Variants in XYLT1 observed in about 807,000 individuals in gnomAD.
The protein encoded by XYLT1 is beta-D-xylosyltransferase 1.
Under a neutral mutation model 91.3 loss-of-function variants are expected in XYLT1, and 36 were observed. The observed-to-expected ratio is 0.39, with a 90% CI of 0.30 to 0.52. The LOEUF (loss-of-function observed/expected upper bound fraction) is 0.52. Ranked by LOEUF, XYLT1 falls within the 20% of genes least tolerant of loss-of-function variation. The probability of loss-of-function intolerance (pLI) is 0.68; values close to 1 mark genes in which losing one functional copy is unlikely to be tolerated. For synonymous variants in XYLT1, 588 were observed against 532.0 expected (o/e 1.11, Z -1.45); for missense variants, 1,242 against 1,284.5 (o/e 0.97, Z 0.51).
intron 2 of XYLT1, among the ~76,000 whole-genome samples, chr16:17,274,476 T>C (rs1324552853): frequency 2.0e-5 from 3 of 152,176 alleles, no homozygotes; most frequent in African/African-American, 7.2e-5. Context: ...GAAAAGGATA[T>C]AGGAAGGGGA....
At chr16:17,421,728 T>A (rs1404123835) in intron 1 of XYLT1, among the ~76,000 whole-genome samples, 1 of 152,032 alleles carries the variant, frequency 6.6e-6, no homozygotes, top group African/African-American at 2.4e-5. Flanking sequence ...GAGACAAACC[T>A]CCCAGCAGAG....
chr16:17,193,339 T>C (rs2141581992), intron 5 of XYLT1: 1 of 152,308 alleles, frequency 6.6e-6, no homozygotes, highest in South Asian at 2.1e-4. Context: ...GGCACTAATA[T>C]TGTGTTTATT....
chr16:17,398,461 G>A lies in XYLT1; in HGVS notation c.364-40411C>T, dbSNP rs192188656. 2.1e-3 allele frequency among the ~76,000 whole-genome samples: 316 copies of A among 152,324 alleles called. 1 individual carries two copies. Among genetic ancestry groups the A allele is most frequent in the Admixed American group, 3.0e-3 (46 of 15,308 alleles). ...ACTTACTCAGGGCACAGGTGGAGAC[G>A]TGGATTTAAGTGAGTATGAGTGATT... On this transcript the variant is annotated intron_variant, in intron 1 of 11. Coordinates refer to ENST00000261381, the MANE Select transcript of XYLT1 (RefSeq NM_022166.4).
chr16:17,126,214 A>G (rs1408674134), intron 10 of XYLT1, among the ~76,000 whole-genome samples: 3 of 152,190 alleles, frequency 2.0e-5, no homozygotes, highest in Admixed American at 2.0e-4. Context: ...CCATCCCCCA[A>G]AAGCACTAGC....
chr16:17,399,954 CAAAAT>C (rs1396289120), intron 1 of XYLT1, among the ~76,000 whole-genome samples: 6 of 152,296 alleles, frequency 3.9e-5, no homozygotes, highest in Admixed American at 2.6e-4. Flanking sequence ...GAAAGGAAAA[CAAAAT>C]AGAGTGGCTG....
rs575366853 is a variant in XYLT1 at position 17,322,144 on chromosome 16, G to A, written c.402+35868C>T. On this transcript the variant is annotated intron_variant, in intron 2 of 11. Transcript: ENST00000261381. ...CTCTGAGTTCTTTGACTGTGTTTTCGCTTCATGCATAAGACAGCGGGGACA... is the reference window on the plus strand; with the variant it reads ...CTCTGAGTTCTTTGACTGTGTTTTCACTTCATGCATAAGACAGCGGGGACA... Among the ~76,000 whole-genome samples the A allele has an allele frequency of 8.5e-5, 13 of 152,190 alleles. No homozygotes were observed. The East Asian group carries it at 2.3e-3, about 27-fold the overall frequency.
chr16:17,328,711 C>T (rs567263175), intron 2 of XYLT1, among the ~76,000 whole-genome samples: 7 of 152,072 alleles, frequency 4.6e-5, no homozygotes, highest in East Asian at 1.9e-4. Flanking sequence ...GATGCCCGTG[C>T]GCAACCATCA....
intron 2 of XYLT1, among the ~76,000 whole-genome samples, chr16:17,301,955 T>C (rs2034402245): frequency 6.6e-6 from 1 of 152,146 alleles, no homozygotes; most frequent in South Asian, 2.1e-4. Context: ...CTCATGCCTG[T>C]AATCTCAGCA....
intron 3 of XYLT1, among the ~76,000 whole-genome samples, chr16:17,203,567 T>A (rs2032583202): frequency 6.6e-6 from 1 of 152,002 alleles, no homozygotes; most frequent in Admixed American, 6.6e-5. Context: ...TATCTGTCCA[T>A]CCATCCACCC....
At chr16:17,169,481 G>A (rs1171912236) in intron 5 of XYLT1, among the ~76,000 whole-genome samples, 4 of 152,142 alleles carry the variant, frequency 2.6e-5, no homozygotes, top group Non-Finnish European at 5.9e-5. Flanking sequence ...ACATACATAT[G>A]CCTTTCTAAG....
intron 11 of XYLT1, among the ~76,000 whole-genome samples, chr16:17,109,746 C>T (rs554711763): frequency 1.3e-4 from 20 of 152,316 alleles, no homozygotes; most frequent in African/African-American, 4.6e-4. Flanking sequence ...GAAAATATAT[C>T]TAGCCCTTTA....
intron 1 of XYLT1, chr16:17,446,429 G>A (rs1362093205): frequency 6.6e-6 from 1 of 152,160 alleles, no homozygotes; most frequent in Non-Finnish European, 1.5e-5. Flanking sequence ...GCACACTGAG[G>A]CAGAGAGAGG....
rs577386351 is a variant in XYLT1, at chr16:17,291,291, T to C, written c.403-31793A>G. Among the ~76,000 whole-genome samples, 12 of 152,316 alleles carry C rather than the reference T, an allele frequency of 7.9e-5. No individual in the cohort carries two copies. The South Asian group carries it at 2.3e-3, about 29-fold the overall frequency. The stretch of plus-strand genomic sequence containing the variant: ...AACTGCTGGGTGTGGGTGTGAGCCA[T>C]TGTGCCTGGCCTAATTGTCTCATTT... On this transcript the variant is annotated intron_variant, in intron 2 of 11. Coordinates refer to ENST00000261381, the MANE Select transcript of XYLT1 (RefSeq NM_022166.4).
chr16:17,369,052 T>TA (rs61242096), intron 1 of XYLT1, among the ~76,000 whole-genome samples: 20 of 143,186 alleles, frequency 1.4e-4, no homozygotes, highest in Admixed American at 2.1e-4. Flanking sequence ...CAGAGAGGTT[T>TA]AAAAAAAAAA....
intron 2 of XYLT1, among the ~76,000 whole-genome samples, chr16:17,330,104 T>TAC (rs35148093): frequency 0.062 from 8,911 of 144,532 alleles, 448 homozygotes; most frequent in African/African-American, 0.13. Context: ...TGGAGGTAGA[T>TAC]ACACACACAC....
At chr16:17,256,447 TCAAGACCAGCCTGGC>T (rs2033632084) in intron 3 of XYLT1, among the ~76,000 whole-genome samples, 1 of 151,818 alleles carries the variant, frequency 6.6e-6, no homozygotes, top group Non-Finnish European at 1.5e-5. Context: ...GGTCAGGAGT[TCAAGACCAGCCTGGC>T]CAAGATGGTG....
rs78839924 is a variant in XYLT1, at chr16:17,299,691, T to C, written c.403-40193A>G. ...GAGAGGCTTTTTGTCCCCTGCAGAA[T>C]TGAATGGGGGCCACTCATGCTAGAT... On this transcript the variant is annotated intron_variant, in intron 2 of 11. Transcript: ENST00000261381. Among the ~76,000 whole-genome samples the C allele has an allele frequency of 3.6e-3, 550 of 152,234 alleles. 7 individuals carry two copies. The highest frequency in any genetic ancestry group is 0.013 in the African/African-American group (523 of 41,550).
chr16:17,461,834 T>A (rs552813527), intron 1 of XYLT1, among the ~76,000 whole-genome samples: 1 of 152,370 alleles, frequency 6.6e-6, no homozygotes, highest in Admixed American at 6.5e-5. Context: ...TTAATTTTCA[T>A]CCAACTTATT....
At chr16:17,163,607 G>A (rs1048263045) in intron 5 of XYLT1, among the ~76,000 whole-genome samples, 6 of 152,200 alleles carry the variant, frequency 3.9e-5, no homozygotes. Flanking sequence ...TGAGGTGACA[G>A]GACTAAAGCC....
Sources: allele counts gnomAD v4.1 joint callset (sites outside exome capture counted in the v4.1 genomes callset), GRCh38; gene constraint gnomAD v4.1.1; transcripts MANE v1.5; gene names NCBI Gene and HGNC (gene_info 2026-07-23, HGNC 2026-07-21).